The following DCLK1 variants were observed in gnomAD, a reference collection of about 807,000 sequenced individuals.
DCLK1 encodes the protein doublecortin like kinase 1.
In DCLK1, 16 loss-of-function variants were observed where a neutral mutation model predicts 86.2. The observed-to-expected ratio is 0.19, with a 90% CI of 0.13 to 0.28. The LOEUF (loss-of-function observed/expected upper bound fraction) is 0.28, where lower values mean the gene tolerates loss of function less well. Among genes scored for constraint, DCLK1 ranks in the 10% least tolerant of loss-of-function variants. The pLI is 1.00. For synonymous variants in DCLK1, 369 were observed against 370.5 expected (o/e 1.00, Z 0.05); for missense variants, 590 against 940.2 (o/e 0.63, Z 4.87).
chr13:35,844,977 G>A (rs1870069419), intron 6 of DCLK1, among the ~76,000 whole-genome samples: 1 of 152,206 alleles, frequency 6.6e-6, no homozygotes, highest in Non-Finnish European at 1.5e-5. Context: ...TCTGGGTACA[G>A]TGGCTCACAC....
chr13:36,098,917 A>G (rs904888615), intron 3 of DCLK1, among the ~76,000 whole-genome samples: 2 of 152,100 alleles, frequency 1.3e-5, no homozygotes, highest in Non-Finnish European at 2.9e-5. Context: ...ATTTTAATGG[A>G]AATCTGTTTA....
At chr13:35,913,479 T>G (rs542438798) in intron 4 of DCLK1, among the ~76,000 whole-genome samples, 9 of 152,356 alleles carry the variant, frequency 5.9e-5, no homozygotes, top group African/African-American at 2.2e-4. Context: ...ATTATGCCTT[T>G]GGTAAAGAAT....
chr13:36,002,116 T>C (rs1880748222), intron 3 of DCLK1, among the ~76,000 whole-genome samples: 1 of 152,194 alleles, frequency 6.6e-6, no homozygotes. Flanking sequence ...TCCTGGGTGA[T>C]GGCCAATTCA....
At chr13:35,810,771 C>T in intron 12 of DCLK1, 64 bp downstream of exon 12, 1 of 1,580,994 alleles carries the variant, frequency 6.3e-7, no homozygotes, top group East Asian at 2.3e-5. Context: ...TACTATTTTT[C>T]CTATTCTCGA....
intron 14 of DCLK1, among the ~76,000 whole-genome samples, chr13:35,807,932 G>T (rs2087061762): frequency 6.6e-6 from 1 of 152,182 alleles, no homozygotes; most frequent in East Asian, 1.9e-4. Context: ...ATCTGAGCTG[G>T]GCTCAAGCCT....
chr13:35,819,478 A>C (rs533710275), intron 11 of DCLK1, among the ~76,000 whole-genome samples: 1 of 152,336 alleles, frequency 6.6e-6, no homozygotes, highest in East Asian at 1.9e-4. Context: ...GCTGAATTAG[A>C]TATGTATTAA....
chr13:36,072,357 T>C (rs1195406970), intron 3 of DCLK1, among the ~76,000 whole-genome samples: 4 of 152,204 alleles, frequency 2.6e-5, no homozygotes, highest in Non-Finnish European at 5.9e-5. Context: ...GGGTGCCCTT[T>C]CTTTTTCCCA....
At chr13:35,933,200 C>T (rs535016311) in intron 4 of DCLK1, among the ~76,000 whole-genome samples, 34 of 152,326 alleles carry the variant, frequency 2.2e-4, no homozygotes, top group South Asian at 1.4e-3. Flanking sequence ...CCATGGTTTT[C>T]GGCAGCTCTG....
intron 3 of DCLK1, among the ~76,000 whole-genome samples, chr13:36,006,148 A>G (rs1399333757): frequency 1.3e-5 from 2 of 152,232 alleles, no homozygotes; most frequent in African/African-American, 4.8e-5. Flanking sequence ...AAACCTGCAC[A>G]TTCAGCACAC....
At chr13:35,914,358 T>C (rs866868997) in intron 4 of DCLK1, among the ~76,000 whole-genome samples, 4 of 14,762 alleles carry the variant, frequency 2.7e-4, no homozygotes, top group African/African-American at 8.8e-4. Context: ...TACATATATA[T>C]ATATATATAT....
intron 3 of DCLK1, among the ~76,000 whole-genome samples, chr13:35,965,950 T>C (rs1456787475): frequency 6.6e-6 from 1 of 152,136 alleles, no homozygotes; most frequent in Non-Finnish European, 1.5e-5. Context: ...TGAAACAAGA[T>C]GTCAGGAGAT....
intron 4 of DCLK1, among the ~76,000 whole-genome samples, chr13:35,928,203 G>A (rs1449201302): frequency 1.3e-5 from 2 of 152,162 alleles, no homozygotes; most frequent in South Asian, 2.1e-4. Context: ...ATCTATGGCT[G>A]GTCCTGAAGC....
chr13:36,007,069 GC>G (rs765245214), intron 3 of DCLK1, among the ~76,000 whole-genome samples: 13 of 152,244 alleles, frequency 8.5e-5, no homozygotes, highest in Admixed American at 1.3e-4. Context: ...AAATGTGCAT[GC>G]GAGGAGAGTG....
chr13:36,090,672 T>C (rs1160713762), intron 3 of DCLK1, among the ~76,000 whole-genome samples: 6 of 151,962 alleles, frequency 3.9e-5, no homozygotes, highest in Admixed American at 6.6e-5. Flanking sequence ...CTTGAACGCA[T>C]GCGTGGAGAA....
intron 16 of DCLK1, among the ~76,000 whole-genome samples, chr13:35,791,610 T>C (rs1357482163): frequency 6.6e-6 from 1 of 152,176 alleles, no homozygotes; most frequent in Non-Finnish European, 1.5e-5. Flanking sequence ...CCCTCAAATA[T>C]GTGGTGTTTG....
At chr13:35,808,410 T>C in intron 13 of DCLK1, 90 bp from the exon 14 acceptor site, 3 of 1,040,216 alleles carry the variant, frequency 2.9e-6, no homozygotes, top group Non-Finnish European at 4.5e-6. Context: ...AGCCCTTCCT[T>C]TCCCCCCATA....
At chr13:36,116,151 T>C (rs918835440) in intron 2 of DCLK1, among the ~76,000 whole-genome samples, 9 of 151,902 alleles carry the variant, frequency 5.9e-5, no homozygotes, top group Non-Finnish European at 1.0e-4. Context: ...GATTTCATCA[T>C]GTTGGCCCTC....
intron 4 of DCLK1, among the ~76,000 whole-genome samples, chr13:35,886,725 G>A (rs1199058112): frequency 2.0e-5 from 3 of 152,180 alleles, no homozygotes; most frequent in African/African-American, 7.2e-5. Context: ...ACATGAACCA[G>A]ACAACACCCA....
At chr13:35,993,034 T>G (rs1221232488) in intron 3 of DCLK1, among the ~76,000 whole-genome samples, 1 of 152,224 alleles carries the variant, frequency 6.6e-6, no homozygotes, top group Admixed American at 6.5e-5. Flanking sequence ...ATCCTGGTCC[T>G]TTTGCTGTTT....
Sources: allele counts gnomAD v4.1 joint callset (sites outside exome capture counted in the v4.1 genomes callset), GRCh38; gene constraint gnomAD v4.1.1; transcripts MANE v1.5; gene names NCBI Gene and HGNC (gene_info 2026-07-23, HGNC 2026-07-21).